Variants in HM13 observed in about 807,000 individuals in gnomAD.
The protein encoded by HM13 is signal peptide peptidase.
HM13 carries 18 observed loss-of-function variants against 50.0 expected under a neutral mutation model. The observed-to-expected ratio is 0.36, with a 90% confidence interval of 0.25 to 0.53. The LOEUF (loss-of-function observed/expected upper bound fraction) is 0.53, where lower values mean the gene tolerates loss of function less well. HM13 is among the 20% of genes least tolerant of loss of function. The probability of loss-of-function intolerance (pLI) is 0.90; values close to 1 mark genes in which losing one functional copy is unlikely to be tolerated. For missense variants in HM13, 393 were observed against 552.4 expected, an observed-to-expected ratio of 0.71 and a Z score of 2.89; for synonymous variants, 197 against 232.6, an observed-to-expected ratio of 0.85 and a Z score of 1.39.
chr20:31,544,273 C>A (rs1349008677), intron 3 of HM13, among the ~76,000 whole-genome samples: 1 of 152,218 alleles, frequency 6.6e-6, no homozygotes, highest in Non-Finnish European at 1.5e-5. Context: ...TGAAAAAAGT[C>A]CAGAAAAGGT....
At chr20:31,533,859 A>T (rs1421583680) in intron 2 of HM13, among the ~76,000 whole-genome samples, 1 of 152,144 alleles carries the variant, frequency 6.6e-6, no homozygotes, top group Non-Finnish European at 1.5e-5. Context: ...GTTGTAAAAA[A>T]GATGTTCCCC....
At chr20:31,530,338 A>G (rs1982737786) in intron 2 of HM13, among the ~76,000 whole-genome samples, 1 of 152,044 alleles carries the variant, frequency 6.6e-6, no homozygotes, top group South Asian at 2.1e-4. Flanking sequence ...ATATATTTTT[A>G]TATGTATCAA....
chr20:31,569,170 A>G lies in HM13; in HGVS notation c.1232A>G (p.Glu411Gly). The G allele has an allele frequency of 6.2e-7, 1 of 1,603,888 alleles. No homozygotes were observed. The highest frequency in any genetic ancestry group is 2.2e-5 in the East Asian group (1 of 44,736). ...CCAGCGGCAGTGACAGAATCCAAAG[A>G]GGGAACAGAGGCATCAGCATCGAAG... is the stretch of plus-strand genomic sequence containing the variant. ...KDPAAVTESKEGTEASASKGL... is the reference protein window; with the variant it reads ...KDPAAVTESKGGTEASASKGL... Residue 411 changes from glutamate (E) to glycine (G), a missense_variant, in exon 13 of 13, where the codon GAG becomes GGG. Physicochemically the swap from Glu to Gly is moderately conservative, Grantham distance 98. Coordinates refer to ENST00000398174, the MANE Select transcript of HM13 (RefSeq NM_178581.3).
chr20:31,566,380 A>C, intron 11 of HM13, 85 bp downstream of exon 11: 1 of 1,077,878 alleles, frequency 9.3e-7, no homozygotes, highest in Non-Finnish European at 1.4e-6. Flanking sequence ...GTATCTTTAC[A>C]CCTCTCCAGG....
At chr20:31,550,899 G>A (rs1311109110) in intron 7 of HM13, among the ~76,000 whole-genome samples, 1 of 152,134 alleles carries the variant, frequency 6.6e-6, no homozygotes, top group African/African-American at 2.4e-5. Flanking sequence ...GATCACTTGA[G>A]CCTGGGAGTT....
intron 3 of HM13, among the ~76,000 whole-genome samples, chr20:31,544,230 G>T (rs1361980762): frequency 6.6e-6 from 1 of 152,240 alleles, no homozygotes; most frequent in East Asian, 1.9e-4. Flanking sequence ...CCACCAGGCT[G>T]GGTCAAGAGG....
intron 3 of HM13, 47 bp from the exon 4 acceptor site, chr20:31,544,892 AGGCTGACT>A: frequency 6.9e-7 from 1 of 1,447,832 alleles, no homozygotes; most frequent in Non-Finnish European, 9.7e-7. Context: ...GGGTGTGTTA[AGGCTGACT>A]GCCCATGGGG....
chr20:31,552,896 G>T (rs920285119), intron 7 of HM13, among the ~76,000 whole-genome samples: 1 of 152,090 alleles, frequency 6.6e-6, no homozygotes, highest in African/African-American at 2.4e-5. Context: ...TGTACCTGTT[G>T]TTGGCCAGAT....
At chr20:31,566,432 C>T (rs1984918894) in intron 11 of HM13, 137 bp downstream of exon 11, 1 of 724,596 alleles carries the variant, frequency 1.4e-6, no homozygotes, top group Non-Finnish European at 2.4e-6. Context: ...TTGCCTTTTT[C>T]AGCAGTACAT....
chr20:31,557,152 G>A (rs1407186684), intron 8 of HM13, among the ~76,000 whole-genome samples: 3 of 152,186 alleles, frequency 2.0e-5, no homozygotes, highest in Non-Finnish European at 4.4e-5. Flanking sequence ...CTGAGGCCAC[G>A]AGGGTATGGG....
intron 1 of HM13, among the ~76,000 whole-genome samples, chr20:31,523,837 T>C (rs6088462): frequency 0.31 from 47,218 of 152,012 alleles, 12,162 homozygotes; most frequent in African/African-American, 0.71. Flanking sequence ...GTGGGTATTG[T>C]TCACCCACCC....
chr20:31,564,219 G>C (rs1397101822), intron 10 of HM13: 4 of 152,178 alleles, frequency 2.6e-5, no homozygotes. Context: ...GCACACTACG[G>C]TGAGCAAGAC....
intron 1 of HM13, among the ~76,000 whole-genome samples, chr20:31,520,581 G>A (rs936505032): frequency 6.6e-6 from 1 of 152,192 alleles, no homozygotes; most frequent in African/African-American, 2.4e-5. Flanking sequence ...TGGGATTACA[G>A]GTGTGAGCCA....
chr20:31,557,987 C>T (rs1258430154), intron 8 of HM13, among the ~76,000 whole-genome samples: 6 of 152,018 alleles, frequency 3.9e-5, no homozygotes, highest in Non-Finnish European at 8.8e-5. Context: ...GGATTGCAGG[C>T]GTGAGCCACC....
chr20:31,569,309 C>A lies in HM13; in HGVS notation c.*90C>A. The A allele has an allele frequency of 1.2e-6, 1 of 860,914 alleles. No individual in the cohort carries two copies. The highest frequency in any genetic ancestry group is 1.9e-6 in the Non-Finnish European group (1 of 536,216). The allele number at this position is 860,914 out of a possible 1,614,324, so 53.3% of individuals were successfully genotyped here. A position where few individuals can be genotyped will look rare whatever the true frequency, so the allele number is the denominator to read the frequency against. The stretch of plus-strand genomic sequence containing the variant: ...TGCACCGGTAGAGGGCACAGGAGGC[C>A]AAGGGCAGCTCCAGGACAGGGCAGG... On this transcript the variant is annotated 3_prime_UTR_variant, in exon 13 of 13. Transcript: ENST00000398174.
At chr20:31,529,713 C>G (rs749555375) in intron 2 of HM13, among the ~76,000 whole-genome samples, 1 of 152,072 alleles carries the variant, frequency 6.6e-6, no homozygotes, top group Non-Finnish European at 1.5e-5. Context: ...GTCAGGAATT[C>G]AAGACCACCC....
intron 1 of HM13, among the ~76,000 whole-genome samples, chr20:31,523,043 T>TGG (rs112544862): frequency 0.13 from 17,091 of 132,734 alleles, 1,538 homozygotes; most frequent in African/African-American, 0.21. Context: ...GGGTTTTTTT[T>TGG]GGGAGGGGGG....
At chr20:31,550,011 T>TCC (rs1408921109) in intron 6 of HM13, 53 bp from the exon 7 acceptor site, 8 of 1,336,392 alleles carry the variant, frequency 6.0e-6, no homozygotes, top group Non-Finnish European at 8.6e-6. Context: ...CAGCCATTCT[T>TCC]CCCCCCACAG....
At chr20:31,527,110 G>A (rs1482247915) in intron 1 of HM13, among the ~76,000 whole-genome samples, 1 of 152,220 alleles carries the variant, frequency 6.6e-6, no homozygotes, top group Non-Finnish European at 1.5e-5. Flanking sequence ...GGAGGCCGAA[G>A]CAGGTGGATC....
Sources: allele counts gnomAD v4.1 joint callset (sites outside exome capture counted in the v4.1 genomes callset), GRCh38; gene constraint gnomAD v4.1.1; transcripts MANE v1.5; gene names NCBI Gene and HGNC (gene_info 2026-07-23, HGNC 2026-07-21).